Variants in MARCHF1 observed in about 807,000 individuals in gnomAD.
The protein encoded by MARCHF1 is E3 ubiquitin-protein ligase MARCHF1.
A neutral mutation model predicts 54.2 loss-of-function variants in MARCHF1; 40 were observed. That is an observed-to-expected ratio of 0.74 (90% CI 0.57 to 0.96). The LOEUF (loss-of-function observed/expected upper bound fraction) is 0.96. Among genes scored for constraint, MARCHF1 ranks in the 40% least tolerant of loss-of-function variants. The pLI, the probability that MARCHF1 is intolerant of heterozygous loss-of-function variation, is 0.00. For missense variants in MARCHF1, 586 were observed against 656.5 expected (o/e 0.89, Z 1.17); for synonymous variants, 236 against 236.3 (o/e 1.00, Z 0.01).
chr4:164,299,179 C>G (rs1734487079), intron 1 of MARCHF1, among the ~76,000 whole-genome samples: 5 of 152,084 alleles, frequency 3.3e-5, no homozygotes, highest in Admixed American at 3.3e-4. Context: ...ATGTTCTGGG[C>G]TTTGTGCAAG....
chr4:164,342,744 A>C (rs1729966260), intron 1 of MARCHF1, among the ~76,000 whole-genome samples: 1 of 152,060 alleles, frequency 6.6e-6, no homozygotes, highest in Admixed American at 6.6e-5. Flanking sequence ...GACAAAGAAA[A>C]TACGGTATGT....
chr4:164,135,812 C>T (rs530362607), intron 1 of MARCHF1, among the ~76,000 whole-genome samples: 139 of 152,352 alleles, frequency 9.1e-4, no homozygotes, highest in Middle Eastern at 6.8e-3. Context: ...GAAATATCCA[C>T]ACCAGGATTA....
intron 3 of MARCHF1, among the ~76,000 whole-genome samples, chr4:163,873,522 T>A (rs1034236989): frequency 1.3e-5 from 2 of 152,154 alleles, no homozygotes; most frequent in Admixed American, 6.5e-5. Flanking sequence ...AGGTTCCTGA[T>A]GGTGGGAGAT....
intron 1 of MARCHF1, among the ~76,000 whole-genome samples, chr4:164,324,505 C>T (rs2110775133): frequency 6.6e-6 from 1 of 151,554 alleles, no homozygotes; most frequent in Non-Finnish European, 1.5e-5. Flanking sequence ...CAATTTTAGA[C>T]TTTGAAAACC....
At chr4:163,544,676 TCTC>T (rs1738835752) in intron 9 of MARCHF1, among the ~76,000 whole-genome samples, 1 of 151,508 alleles carries the variant, frequency 6.6e-6, no homozygotes, top group Admixed American at 6.6e-5. Flanking sequence ...TGTGTTTTAA[TCTC>T]CTCCTTATTT....
chr4:163,798,586 T>C (rs1747988516), intron 4 of MARCHF1, among the ~76,000 whole-genome samples: 1 of 152,146 alleles, frequency 6.6e-6, no homozygotes, highest in South Asian at 2.1e-4. Context: ...CCCCAAGTCA[T>C]AGTTACACTC....
At chr4:163,903,692 C>T (rs553957543) in intron 3 of MARCHF1, among the ~76,000 whole-genome samples, 2 of 152,006 alleles carry the variant, frequency 1.3e-5, no homozygotes, top group Non-Finnish European at 2.9e-5. Flanking sequence ...TTCACTGCAA[C>T]GTCTGCATCC....
chr4:164,105,938 A>T (rs886280418), intron 2 of MARCHF1, among the ~76,000 whole-genome samples: 2 of 147,358 alleles, frequency 1.4e-5, no homozygotes, highest in South Asian at 4.3e-4. Flanking sequence ...AAACAACCCC[A>T]TCAAAAAGTG....
chr4:163,633,928 T>C (rs970812369), intron 5 of MARCHF1, among the ~76,000 whole-genome samples: 1 of 151,716 alleles, frequency 6.6e-6, no homozygotes, highest in Non-Finnish European at 1.5e-5. Context: ...CAGAAGAGAG[T>C]GGGGGCCAAT....
chr4:163,712,308 C>T (rs1745129497), intron 4 of MARCHF1, among the ~76,000 whole-genome samples: 1 of 152,106 alleles, frequency 6.6e-6, no homozygotes, highest in Non-Finnish European at 1.5e-5. Flanking sequence ...GTCACACACA[C>T]AAGTGTATGT....
At chr4:163,922,184 G>A (rs144213361) in intron 3 of MARCHF1, among the ~76,000 whole-genome samples, 6 of 150,864 alleles carry the variant, frequency 4.0e-5, no homozygotes, top group East Asian at 1.9e-4. Context: ...ATGGATGCGG[G>A]GGGGAGCATC....
chr4:164,049,051 G>A (rs1711814402), intron 2 of MARCHF1, among the ~76,000 whole-genome samples: 1 of 152,144 alleles, frequency 6.6e-6, no homozygotes, highest in Non-Finnish European at 1.5e-5. Flanking sequence ...ACACTTTCAG[G>A]TTCATTTTCA....
intron 3 of MARCHF1, among the ~76,000 whole-genome samples, chr4:163,946,030 C>A (rs1192032503): frequency 6.6e-6 from 1 of 151,846 alleles, no homozygotes; most frequent in Non-Finnish European, 1.5e-5. Flanking sequence ...TTCCATATAG[C>A]ACCAAATTGA....
At chr4:163,568,658 T>C (rs1487708889) in intron 8 of MARCHF1, among the ~76,000 whole-genome samples, 1 of 152,124 alleles carries the variant, frequency 6.6e-6, no homozygotes, top group African/African-American at 2.4e-5. Context: ...GCTGAAGTCA[T>C]ACTGAAGATC....
At chr4:163,986,389 T>G (rs1183388728) in intron 3 of MARCHF1, among the ~76,000 whole-genome samples, 4 of 150,850 alleles carry the variant, frequency 2.7e-5, no homozygotes, top group South Asian at 2.1e-4. Context: ...CTCAGCCTCC[T>G]GAGTAGCTGG....
chr4:163,932,855 G>C (rs1321839358), intron 3 of MARCHF1: 4 of 628,914 alleles, frequency 6.4e-6, no homozygotes, highest in Non-Finnish European at 1.2e-5. Context: ...CTAATCCAGA[G>C]AGTGGGGTCT....
In MARCHF1 at chr4:163,527,254, T is replaced by TGTCA. The variant is rs1444080329; in HGVS notation, c.*1490_*1493dup. 1 of 152,062 alleles carries TGTCA rather than the reference T, an allele frequency of 6.6e-6. No individual in the cohort carries two copies. Among genetic ancestry groups the TGTCA allele is most frequent in the Admixed American group, 6.6e-5 (1 of 15,244 alleles). The allele number at this position is 152,062 out of a possible 1,614,324, so 9.4% of individuals were successfully genotyped here. On this transcript the variant is annotated 3_prime_UTR_variant, in exon 10 of 10. Coordinates refer to ENST00000514618, the MANE Select transcript of MARCHF1 (RefSeq NM_001394959.1). Reference sequence around the variant, plus strand: ...ATATGCAAAGAACACAATAATCAACTGTCAAACCTAAACGATTAATTACTT... The same window carrying TGTCA: ...ATATGCAAAGAACACAATAATCAACTGTCAGTCAAACCTAAACGATTAATTACTT...
intron 4 of MARCHF1, among the ~76,000 whole-genome samples, chr4:163,747,398 G>A (rs564117348): frequency 2.6e-5 from 4 of 152,172 alleles, no homozygotes; most frequent in Non-Finnish European, 1.5e-5. Context: ...ATTCCCACAG[G>A]TACGTTCCAA....
At chr4:163,681,848 G>A (rs1008613985) in intron 5 of MARCHF1, among the ~76,000 whole-genome samples, 4 of 152,162 alleles carry the variant, frequency 2.6e-5, no homozygotes, top group African/African-American at 9.7e-5. Context: ...GTTGCTGTAA[G>A]GATACCAGAA....
Sources: gnomAD v4.1 joint callset for allele counts (sites outside exome capture counted in the v4.1 genomes callset) on GRCh38, gnomAD v4.1.1 for gene constraint, MANE v1.5 for transcripts, NCBI Gene and HGNC (gene_info 2026-07-23, HGNC 2026-07-21) for gene names.